The following ATXN10 variants were observed in gnomAD, a reference collection of about 807,000 sequenced individuals.
ATXN10 encodes ataxin 10, also known as ataxin-10.
In ATXN10, 28 loss-of-function variants were observed where a neutral mutation model predicts 52.9. That is an observed-to-expected ratio of 0.53 (90% CI 0.39 to 0.73). The LOEUF is 0.73. ATXN10 is among the 30% of genes least tolerant of loss of function. The probability of loss-of-function intolerance (pLI) is 0.00; values close to 1 mark genes in which losing one functional copy is unlikely to be tolerated. For missense variants in ATXN10, 565 were observed against 577.0 expected (o/e 0.98, Z 0.21); for synonymous variants, 226 against 221.5 (o/e 1.02, Z -0.18).
chr22:45,842,860 C>T lies in ATXN10; in HGVS notation c.1238-131C>T. The T allele has an allele frequency of 2.0e-6, 2 of 1,019,746 alleles. No individual in the cohort carries two copies. Among genetic ancestry groups the T allele is most frequent in the Non-Finnish European group, 3.0e-6 (2 of 659,526 alleles). 63.2% of individuals were successfully genotyped at this position (1,019,746 alleles called of 1,614,324 possible). ...TGAGATGCATATTCAGAGAATGCAT[C>T]CTCAAGAAAACTTGTGGATTGATAC... On this transcript the variant is annotated intron_variant, in intron 10 of 11. Coordinates refer to ENST00000252934, the MANE Select transcript of ATXN10 (RefSeq NM_013236.4). This position sits in a 1 kb window ranked among gnomAD's most constrained non-coding sequence, Gnocchi z 4.8.
In ATXN10 at chr22:45,770,640, A is replaced by C. The variant is rs1926745516; in HGVS notation, c.1173+30102A>C. The stretch of plus-strand genomic sequence containing the variant: ...ACAGAGAGCCACGTCCACATATGCG[A>C]GAGCCACTGATGGTTCTCGGCCTGT... On this transcript the variant is annotated intron_variant, in intron 9 of 11. Coordinates refer to ENST00000252934, the MANE Select transcript of ATXN10 (RefSeq NM_013236.4). This position sits in a 1 kb window ranked among gnomAD's most constrained non-coding sequence, Gnocchi z 4.5. Among the ~76,000 whole-genome samples the C allele has an allele frequency of 6.6e-6, 1 of 152,366 alleles. No homozygotes were observed. The highest frequency in any genetic ancestry group is 1.9e-4 in the East Asian group (1 of 5,186).
In ATXN10 at chr22:45,828,854, CCTT is replaced by C. The variant is rs1352734432; in HGVS notation, c.1238-14134_1238-14132del. On this transcript the variant is annotated intron_variant, in intron 10 of 11. Coordinates refer to ENST00000252934, the MANE Select transcript of ATXN10 (RefSeq NM_013236.4). The surrounding 1 kb of genome is among the most constrained non-coding windows in gnomAD (Gnocchi z 4.5). ...CATTTCAAGGGGAACTAATACCAAT[CCTT>C]CTCAAACTTTTCCAAAAAAATTGAG... is the stretch of plus-strand genomic sequence containing the variant. Among the ~76,000 whole-genome samples the C allele has an allele frequency of 6.6e-6, 1 of 152,166 alleles. No homozygotes were observed. Among genetic ancestry groups the C allele is most frequent in the Non-Finnish European group, 1.5e-5 (1 of 68,030 alleles).
At chr22:45,736,381 A>G (rs776197015) in intron 7 of ATXN10, among the ~76,000 whole-genome samples, 3 of 152,208 alleles carry the variant, frequency 2.0e-5, no homozygotes, top group Non-Finnish European at 4.4e-5. Flanking sequence ...AAAATAACTA[A>G]TAATAACATT....
In ATXN10 at chr22:45,816,055, G is replaced by A. The variant is rs9614785; in HGVS notation, c.1237+9033G>A. On this transcript the variant is annotated intron_variant, in intron 10 of 11. Coordinates refer to ENST00000252934, the MANE Select transcript of ATXN10 (RefSeq NM_013236.4). This position sits in a 1 kb window ranked among gnomAD's most constrained non-coding sequence, Gnocchi z 5.8. Reference sequence around the variant, plus strand: ...ACTTGAGGTCAGGAGTTTGAGACCAGCCTAGTCAACATGGTGAAACTGTCT... The same window carrying A: ...ACTTGAGGTCAGGAGTTTGAGACCAACCTAGTCAACATGGTGAAACTGTCT... Among the ~76,000 whole-genome samples, 7,732 of 152,060 alleles carry A rather than the reference G, an allele frequency of 0.051. 209 individuals are homozygous for A. Among genetic ancestry groups the A allele is most frequent in the Non-Finnish European group, 0.06 (4,102 of 67,980 alleles).
At chr22:45,809,713 G>A (rs1003350657) in intron 10 of ATXN10, among the ~76,000 whole-genome samples, 2 of 152,276 alleles carry the variant, frequency 1.3e-5, no homozygotes, top group Admixed American at 6.5e-5. Flanking sequence ...GTGTGTGTAC[G>A]TGCATATGTG....
chr22:45,841,669 G>A lies in ATXN10; in HGVS notation c.1238-1322G>A, dbSNP rs1929349747. On this transcript the variant is annotated intron_variant, in intron 10 of 11. Transcript: ENST00000252934. The surrounding 1 kb of genome is among the most constrained non-coding windows in gnomAD (Gnocchi z 5.1). Reference sequence around the variant, plus strand: ...TACGTTTCAGTTGTCTGACTTAATTGGACAGTCATTTTTACTATTTTCTTT... The same window carrying A: ...TACGTTTCAGTTGTCTGACTTAATTAGACAGTCATTTTTACTATTTTCTTT... Among the ~76,000 whole-genome samples, 2 of 152,280 alleles carry A rather than the reference G, an allele frequency of 1.3e-5. No individual in the cohort carries two copies. The highest frequency in any genetic ancestry group is 1.3e-4 in the Admixed American group (2 of 15,300).
rs549852854 is a variant in ATXN10, at chr22:45,718,138, A to G, written c.648-275A>G. Among the ~76,000 whole-genome samples, 39 of 152,338 alleles carry G rather than the reference A, an allele frequency of 2.6e-4. No homozygotes were observed. The highest frequency in any genetic ancestry group is 2.0e-3 in the Admixed American group (30 of 15,284). On this transcript the variant is annotated intron_variant, in intron 5 of 11. Transcript: ENST00000252934. The surrounding 1 kb of genome is among the most constrained non-coding windows in gnomAD (Gnocchi z 4.4). ...TTCTTTCTCAACTTAGATAACAGCT[A>G]TAGTAGCCCTGTCTTCCCGTTGAAT...
At chr22:45,779,456 T>TTTG (rs1226116231) in intron 9 of ATXN10, among the ~76,000 whole-genome samples, 4 of 152,080 alleles carry the variant, frequency 2.6e-5, no homozygotes, top group African/African-American at 7.2e-5. Context: ...ATGTTGGGCT[T>TTTG]TTGTTGTTGT....
At chr22:45,831,297 C>T (rs565474762) in intron 10 of ATXN10, among the ~76,000 whole-genome samples, 3 of 151,956 alleles carry the variant, frequency 2.0e-5, no homozygotes, top group East Asian at 3.9e-4. Flanking sequence ...GTTGTGAATG[C>T]GTTTAACACT....
intron 10 of ATXN10, among the ~76,000 whole-genome samples, chr22:45,810,867 A>G (rs573155404): frequency 2.8e-4 from 42 of 152,326 alleles, no homozygotes; most frequent in African/African-American, 9.9e-4. Context: ...ATTGTGATCA[A>G]ATAGCACCTA....
rs74973657 is a variant in ATXN10 at position 45,833,196 on chromosome 22, G to A, written c.1238-9795G>A. On this transcript the variant is annotated intron_variant, in intron 10 of 11. Coordinates refer to ENST00000252934, the MANE Select transcript of ATXN10 (RefSeq NM_013236.4). The surrounding 1 kb of genome is among the most constrained non-coding windows in gnomAD (Gnocchi z 4.3). ...CAGCATCATAGAGTCCTTGGGAAGC[G>A]CACGCATCTGGTATCTGTCCCTGTT... 1.3e-5 allele frequency among the ~76,000 whole-genome samples: 2 copies of A among 152,162 alleles called. No homozygotes were observed. Among genetic ancestry groups the A allele is most frequent in the Non-Finnish European group, 2.9e-5 (2 of 68,026 alleles).
At chr22:45,745,187 G>A (rs1925681317) in intron 9 of ATXN10, among the ~76,000 whole-genome samples, 1 of 152,124 alleles carries the variant, frequency 6.6e-6, no homozygotes, top group African/African-American at 2.4e-5. Context: ...GTTAGAATAA[G>A]GAATGTATGG....
At chr22:45,794,668 A>T (rs1207942353) in intron 9 of ATXN10, among the ~76,000 whole-genome samples, 2 of 152,224 alleles carry the variant, frequency 1.3e-5, no homozygotes, top group Admixed American at 6.5e-5. Flanking sequence ...AATCAATGGA[A>T]TGACATCTTA....
chr22:45,697,158 G>A (rs1040831824), intron 3 of ATXN10, among the ~76,000 whole-genome samples: 4 of 151,590 alleles, frequency 2.6e-5, no homozygotes, highest in African/African-American at 7.3e-5. Context: ...TTTTTGAGAC[G>A]GAGTTTGCTC....
At chr22:45,723,870 T>A (rs1924760228) in intron 6 of ATXN10, among the ~76,000 whole-genome samples, 1 of 151,912 alleles carries the variant, frequency 6.6e-6, no homozygotes, top group Non-Finnish European at 1.5e-5. Flanking sequence ...GGCATGAGAA[T>A]TGCTTGAACC....
chr22:45,767,941 ATACT>A (rs754854900), intron 9 of ATXN10, among the ~76,000 whole-genome samples: 8 of 152,208 alleles, frequency 5.3e-5, no homozygotes, highest in African/African-American at 1.2e-4. Context: ...TGTGTGCTAC[ATACT>A]TTATTTTAGA....
chr22:45,717,197 T>C (rs756740858), intron 5 of ATXN10, among the ~76,000 whole-genome samples: 3 of 152,140 alleles, frequency 2.0e-5, no homozygotes, highest in Non-Finnish European at 4.4e-5. Flanking sequence ...CCCAGCCTAT[T>C]GGTTAGATAC....
At chr22:45,695,447 T>G (rs1019261624) in intron 3 of ATXN10, among the ~76,000 whole-genome samples, 2 of 152,104 alleles carry the variant, frequency 1.3e-5, no homozygotes, top group Non-Finnish European at 2.9e-5. Flanking sequence ...AATTGTTTTA[T>G]ATACAGTTTT....
intron 9 of ATXN10, among the ~76,000 whole-genome samples, chr22:45,802,343 A>G (rs1243093304): frequency 3.9e-5 from 6 of 152,240 alleles, no homozygotes; most frequent in East Asian, 3.8e-4. Context: ...AAGTGCTGAC[A>G]GAAGAAAACT....
Sources: gnomAD v4.1 joint callset for allele counts (sites outside exome capture counted in the v4.1 genomes callset) on GRCh38, gnomAD v4.1.1 for gene constraint, Gnocchi (gnomAD v3.1) non-coding constraint, MANE v1.5 for transcripts, NCBI Gene and HGNC (gene_info 2026-07-23, HGNC 2026-07-21) for gene names.